NFAM1: variants seen among roughly 807,000 people sequenced by gnomAD.
NFAM1 encodes the protein NFAT activation molecule 1.
NFAM1 carries 17 observed loss-of-function variants against 29.0 expected under a neutral mutation model. The ratio of observed to expected loss-of-function variants is 0.59; its 90% CI spans 0.40 to 0.88. NFAM1 has a LOEUF of 0.88. Ranked by LOEUF, NFAM1 falls within the 40% of genes least tolerant of loss-of-function variation. The pLI, the probability that NFAM1 is intolerant of heterozygous loss-of-function variation, is 0.00. For synonymous variants in NFAM1, 175 were observed against 147.2 expected (o/e 1.19, Z -1.36); for missense variants, 324 against 344.6 (o/e 0.94, Z 0.47).
In NFAM1 at chr22:42,409,461, C is replaced by G; in HGVS notation, c.538G>C (p.Gly180Arg). The change falls in exon 3 of 6, where the codon GGC (glycine) becomes CGC (arginine). Residue 180 changes from glycine (G) to arginine (R), a missense_variant. By Grantham distance (125) the Gly-to-Arg change is moderately radical. Transcript: ENST00000329021. This position sits in a 1 kb window ranked among gnomAD's most constrained non-coding sequence, Gnocchi z 4.9. The part of the protein sequence containing the change: ...TGLLSVLSVV[G>R]TALLLWNKKR... The stretch of plus-strand genomic sequence containing the variant: ...TTGTTCCAGAGCAGCAGGGCCGTGC[C>G]CACTACACTCAGGACACTCAGGAGG... The G allele has an allele frequency of 6.4e-7, 1 of 1,550,430 alleles. No individual in the cohort carries two copies. The highest frequency in any genetic ancestry group is 8.7e-7 in the Non-Finnish European group (1 of 1,145,830).
chr22:42,427,487 G>A (rs1930660806), intron 1 of NFAM1, among the ~76,000 whole-genome samples: 1 of 152,190 alleles, frequency 6.6e-6, no homozygotes, highest in African/African-American at 2.4e-5. Context: ...GCTGGGTGCT[G>A]GTCCCGTGCT....
intron 4 of NFAM1, among the ~76,000 whole-genome samples, chr22:42,397,402 G>C (rs1191978354): frequency 1.3e-5 from 2 of 152,228 alleles, no homozygotes; most frequent in Non-Finnish European, 2.9e-5. Context: ...TGCCAGGAGG[G>C]GAGAGAGCAA....
intron 1 of NFAM1, among the ~76,000 whole-genome samples, chr22:42,428,958 T>C (rs1212869884): frequency 6.6e-6 from 1 of 152,104 alleles, no homozygotes; most frequent in African/African-American, 2.4e-5. Context: ...CCCCCAGCAA[T>C]TCCTGTCTTG....
chr22:42,399,453 A>C (rs1473487692), intron 3 of NFAM1, among the ~76,000 whole-genome samples: 1 of 147,720 alleles, frequency 6.8e-6, no homozygotes, highest in African/African-American at 2.5e-5. Flanking sequence ...TCTCAAAAAA[A>C]AAAAAAAAAA....
chr22:42,431,333 C>A (rs951555421), intron 1 of NFAM1, among the ~76,000 whole-genome samples: 2 of 152,256 alleles, frequency 1.3e-5, no homozygotes, highest in African/African-American at 2.4e-5. Context: ...AGAGGGGGTG[C>A]AGCAGGACAG....
chr22:42,420,787 A>G (rs1024003480), intron 1 of NFAM1, among the ~76,000 whole-genome samples: 5 of 152,136 alleles, frequency 3.3e-5, no homozygotes, highest in Non-Finnish European at 7.3e-5. Context: ...CAAACAAACA[A>G]ACTCCTCAAA....
chr22:42,404,976 G>T (rs568571982), intron 3 of NFAM1, among the ~76,000 whole-genome samples: 22 of 152,118 alleles, frequency 1.4e-4, no homozygotes, highest in Non-Finnish European at 3.1e-4. Flanking sequence ...TGACAAGAGG[G>T]CTTGCTTTCA....
intron 1 of NFAM1, among the ~76,000 whole-genome samples, chr22:42,431,074 C>G (rs1257081051): frequency 6.6e-6 from 1 of 152,178 alleles, no homozygotes; most frequent in African/African-American, 2.4e-5. Flanking sequence ...GAAGAACATT[C>G]TTTACAAGTA....
At chr22:42,428,117 C>T (rs532435284) in intron 1 of NFAM1, among the ~76,000 whole-genome samples, 31 of 152,218 alleles carry the variant, frequency 2.0e-4, no homozygotes, top group Non-Finnish European at 4.0e-4. Flanking sequence ...ATTTGTGATC[C>T]ACCCAACCAC....
At chr22:42,401,545 G>C (rs939295181) in intron 3 of NFAM1, among the ~76,000 whole-genome samples, 3 of 152,072 alleles carry the variant, frequency 2.0e-5, no homozygotes, top group Non-Finnish European at 4.4e-5. Flanking sequence ...CGGGGCAAGG[G>C]GTCCCGTGGA....
chr22:42,384,610 A>C lies in NFAM1; in HGVS notation c.*551T>G, dbSNP rs1601729482. 1 of 167,202 alleles carries C rather than the reference A, an allele frequency of 6.0e-6. No individual in the cohort carries two copies. 10.4% of individuals were successfully genotyped at this position (167,202 alleles called of 1,614,324 possible). A position where few individuals can be genotyped will look rare whatever the true frequency, so the allele number is the denominator to read the frequency against. Reference sequence around the variant, plus strand: ...TCCATCATCCTTGTCTGTCCCCCAGACCTCCCACGCCAGCCCCTGCTCCCA... The same window carrying C: ...TCCATCATCCTTGTCTGTCCCCCAGCCCTCCCACGCCAGCCCCTGCTCCCA... On this transcript the variant is annotated 3_prime_UTR_variant, in exon 6 of 6. Coordinates refer to ENST00000329021, the MANE Select transcript of NFAM1 (RefSeq NM_145912.8).
intron 3 of NFAM1, among the ~76,000 whole-genome samples, chr22:42,405,909 A>C (rs777046490): frequency 3.3e-5 from 5 of 152,160 alleles, no homozygotes; most frequent in South Asian, 2.1e-4. Context: ...GTTGGCTCAC[A>C]GAAGGCAGGA....
chr22:42,417,387 C>T (rs973546200), intron 1 of NFAM1, among the ~76,000 whole-genome samples: 3 of 152,228 alleles, frequency 2.0e-5, no homozygotes, highest in Admixed American at 6.5e-5. Flanking sequence ...AGCTGCTTTT[C>T]TGGTTATTCT....
chr22:42,430,730 T>C (rs1407386180), intron 1 of NFAM1, among the ~76,000 whole-genome samples: 1 of 151,998 alleles, frequency 6.6e-6, no homozygotes, highest in African/African-American at 2.4e-5. Context: ...TTGTTATAGT[T>C]GAGACTGTTA....
chr22:42,416,264 A>G (rs1930256928), intron 1 of NFAM1, among the ~76,000 whole-genome samples: 1 of 152,132 alleles, frequency 6.6e-6, no homozygotes, highest in Admixed American at 6.6e-5. Flanking sequence ...TGAGCCCAGG[A>G]GTTTGAGACC....
At position 42,409,465 on chromosome 22, in the gene NFAM1, T is replaced by C; in HGVS notation, c.534A>G (p.Val178=). The change falls in exon 3 of 6, where the codon GTA becomes GTG. Residue 178 remains valine, a synonymous_variant. Transcript: ENST00000329021. The surrounding 1 kb of genome is among the most constrained non-coding windows in gnomAD (Gnocchi z 4.9). The part of the protein sequence containing the change: ...GFTGLLSVLS[V]VGTALLLWNK... ...TCCAGAGCAGCAGGGCCGTGCCCAC[T>C]ACACTCAGGACACTCAGGAGGCCGG... 1.3e-6 allele frequency: 2 copies of C among 1,556,912 alleles called. No individual in the cohort carries two copies. The highest frequency in any genetic ancestry group is 2.4e-5 in the East Asian group (1 of 40,980).
chr22:42,396,036 G>A (rs1272297134), intron 4 of NFAM1, among the ~76,000 whole-genome samples: 2 of 152,134 alleles, frequency 1.3e-5, no homozygotes, highest in Non-Finnish European at 1.5e-5. Context: ...CACAACAAAT[G>A]GCTCTTGATA....
intron 3 of NFAM1, among the ~76,000 whole-genome samples, chr22:42,400,991 C>A (rs1413274583): frequency 6.6e-6 from 1 of 152,182 alleles, no homozygotes; most frequent in African/African-American, 2.4e-5. Flanking sequence ...CTTGGTGTCC[C>A]TCCCTGGCCC....
chr22:42,386,921 C>G (rs75844857), intron 5 of NFAM1, 68 bp downstream of exon 5: 63 of 841,478 alleles, frequency 7.5e-5, no homozygotes, highest in African/African-American at 6.2e-4. Context: ...TTTGCCCCCC[C>G]ACTTCACCAG....
Sources: allele counts gnomAD v4.1 joint callset (sites outside exome capture counted in the v4.1 genomes callset), GRCh38; gene constraint gnomAD v4.1.1; non-coding constraint Gnocchi (gnomAD v3.1); transcripts MANE v1.5; gene names NCBI Gene and HGNC (gene_info 2026-07-23, HGNC 2026-07-21).